Variants in CSMD2 observed in about 807,000 individuals in gnomAD.
CSMD2 encodes CUB and sushi domain-containing protein 2.
CSMD2 carries 130 observed loss-of-function variants against 398.5 expected under a neutral mutation model. The observed-to-expected ratio is 0.33, with a 90% CI of 0.28 to 0.38. The LOEUF is 0.38. Ranked by LOEUF, CSMD2 falls within the 10% of genes least tolerant of loss-of-function variation. CSMD2 has a pLI of 1.00. For missense variants in CSMD2, 3,829 were observed against 4,764.9 expected (o/e 0.80, Z 5.78); for synonymous variants, 1,828 against 1,908.5 (o/e 0.96, Z 1.10).
intron 6 of CSMD2, among the ~76,000 whole-genome samples, chr1:33,845,137 C>T (rs774521141): frequency 8.6e-5 from 13 of 151,826 alleles, no homozygotes; most frequent in South Asian, 4.2e-4. Flanking sequence ...TTGAAAGCTA[C>T]GGTTAATAGG....
At chr1:33,832,913 A>C (rs1272022795) in intron 6 of CSMD2, among the ~76,000 whole-genome samples, 2 of 152,214 alleles carry the variant, frequency 1.3e-5, no homozygotes, top group South Asian at 2.1e-4. Flanking sequence ...GAAATGGATA[A>C]ATTCCTAGAC....
Position 33,605,262 on chromosome 1 carries a change from G to T in CSMD2, c.6532+20C>A. 1 of 1,610,764 alleles carries T rather than the reference G, an allele frequency of 6.2e-7. No homozygotes were observed. On this transcript the variant is annotated intron_variant, in intron 42 of 70. Coordinates refer to ENST00000373381, the MANE Select transcript of CSMD2 (RefSeq NM_001281956.2). ...ACGAGTACCCCAGGAAGAACTGCTG[G>T]GGATGAGGGAGCGACATACCTTCAC... is the stretch of plus-strand genomic sequence containing the variant.
chr1:34,080,933 A>AGAAAGAAAGAAAGAAAG (rs2148333479), intron 2 of CSMD2, among the ~76,000 whole-genome samples: 1 of 56,362 alleles, frequency 1.8e-5, no homozygotes, highest in South Asian at 3.8e-4. Flanking sequence ...AAAGAAAGAA[A>AGAAAGAAAGAAAGAAAG]GAAAGAAAGA....
chr1:33,844,496 C>T (rs944349541), intron 6 of CSMD2, among the ~76,000 whole-genome samples: 3 of 152,234 alleles, frequency 2.0e-5, no homozygotes, highest in African/African-American at 4.8e-5. Context: ...AGTTACTAAA[C>T]GATCACTGTA....
At chr1:33,571,235 A>G (rs1173607768) in intron 51 of CSMD2, among the ~76,000 whole-genome samples, 1 of 152,160 alleles carries the variant, frequency 6.6e-6, no homozygotes, top group Non-Finnish European at 1.5e-5. Context: ...TCAAACCTCT[A>G]CAGTGTCTGG....
At chr1:33,688,749 G>C (rs1571228402) in intron 25 of CSMD2, among the ~76,000 whole-genome samples, 2 of 152,162 alleles carry the variant, frequency 1.3e-5, no homozygotes, top group Non-Finnish European at 2.9e-5. Context: ...CTGGAAGGTA[G>C]GGGTTGCAGT....
Position 33,636,509 on chromosome 1 carries a change from C to G in CSMD2, c.4820G>C (p.Gly1607Ala), listed in dbSNP as rs1425609091. 1 of 1,614,046 alleles carries G rather than the reference C, an allele frequency of 6.2e-7. No homozygotes were observed. Among genetic ancestry groups the G allele is most frequent in the Non-Finnish European group, 8.5e-7 (1 of 1,180,026 alleles). ...CTTCAGGTCGGACCCCACCCGTGTG[C>G]CGTTCTTGATGGAACCAGGATCAAA... ...SCFDPGSIKN[G>A]TRVGSDLKLG... is the part of the protein sequence containing the mutation. Residue 1607 changes from glycine (G) to alanine (A), a missense_variant, in exon 30 of 71, where the codon GGC becomes GCC. This residue lies in a region of CSMD2 where 2,001 missense variants were observed against 2,567.1 expected (regional missense o/e 0.78). Coordinates refer to ENST00000373381, the MANE Select transcript of CSMD2 (RefSeq NM_001281956.2). This position sits in a 1 kb window ranked among gnomAD's most constrained non-coding sequence, Gnocchi z 4.8.
intron 2 of CSMD2, among the ~76,000 whole-genome samples, chr1:34,050,935 T>G (rs1653104343): frequency 6.6e-6 from 1 of 152,124 alleles, no homozygotes; most frequent in Non-Finnish European, 1.5e-5. Context: ...CCCAGAGGTC[T>G]TAGTTCCAGG....
chr1:33,898,169 C>A (rs1642515396), intron 5 of CSMD2, among the ~76,000 whole-genome samples: 1 of 152,188 alleles, frequency 6.6e-6, no homozygotes. Flanking sequence ...AATGCTATTA[C>A]TATTTCTCTT....
chr1:34,085,155 T>G (rs1657713134), intron 2 of CSMD2, among the ~76,000 whole-genome samples: 1 of 151,986 alleles, frequency 6.6e-6, no homozygotes, highest in Non-Finnish European at 1.5e-5. Flanking sequence ...CCGCATGTTC[T>G]CACTCATAGG....
intron 5 of CSMD2, among the ~76,000 whole-genome samples, chr1:33,905,108 T>C (rs1392461627): frequency 1.3e-5 from 2 of 152,068 alleles, no homozygotes; most frequent in Non-Finnish European, 2.9e-5. Flanking sequence ...CCCAGCGATA[T>C]GTTCATTTTA....
At chr1:34,158,590 T>G (rs751887928) in intron 1 of CSMD2, among the ~76,000 whole-genome samples, 7 of 152,234 alleles carry the variant, frequency 4.6e-5, no homozygotes, top group Non-Finnish European at 7.3e-5. Context: ...GGTATAGTGG[T>G]GCCAGAGAGT....
intron 1 of CSMD2, among the ~76,000 whole-genome samples, chr1:34,149,792 T>C (rs1353894086): frequency 6.6e-6 from 1 of 152,154 alleles, no homozygotes; most frequent in Non-Finnish European, 1.5e-5. Context: ...GAACATGTCC[T>C]TATGGCACCA....
chr1:34,146,551 G>T (rs1351775298), intron 1 of CSMD2, among the ~76,000 whole-genome samples: 2 of 152,200 alleles, frequency 1.3e-5, no homozygotes, highest in Non-Finnish European at 2.9e-5. Flanking sequence ...CACTGCAGTT[G>T]TAAGAGTGCT....
chr1:34,081,330 C>T (rs1657083883), intron 2 of CSMD2, among the ~76,000 whole-genome samples: 1 of 152,150 alleles, frequency 6.6e-6, no homozygotes, highest in Non-Finnish European at 1.5e-5. Context: ...AGGTCATTTC[C>T]CCTCCTATCA....
At chr1:33,522,239 AGCTGTCCCC>A (rs1654378245) in intron 67 of CSMD2, among the ~76,000 whole-genome samples, 1 of 152,132 alleles carries the variant, frequency 6.6e-6, no homozygotes. Context: ...TGCCCTCCGC[AGCTGTCCCC>A]GCAAACACAC....
At chr1:33,684,802 C>T (rs1039421899) in intron 25 of CSMD2, among the ~76,000 whole-genome samples, 2 of 152,218 alleles carry the variant, frequency 1.3e-5, no homozygotes, top group African/African-American at 2.4e-5. Flanking sequence ...TAGTCCACCC[C>T]CAACTGCCAT....
chr1:33,908,078 T>A, intron 5 of CSMD2, among the ~76,000 whole-genome samples: 4 of 92,824 alleles, frequency 4.3e-5, no homozygotes, highest in South Asian at 4.1e-4. Context: ...AGAGCAAGAC[T>A]CCATCTCAAA....
intron 11 of CSMD2, among the ~76,000 whole-genome samples, chr1:33,789,576 C>T (rs182509654): frequency 1.7e-4 from 26 of 152,340 alleles, no homozygotes; most frequent in African/African-American, 6.0e-4. Flanking sequence ...GACAAATTAC[C>T]AGCACAGATG....
Sources: allele counts gnomAD v4.1 joint callset (sites outside exome capture counted in the v4.1 genomes callset), GRCh38; gene constraint gnomAD v4.1.1; regional missense constraint gnomAD v4.1.1; non-coding constraint Gnocchi (gnomAD v3.1); transcripts MANE v1.5; gene names NCBI Gene and HGNC (gene_info 2026-07-23, HGNC 2026-07-21).